SAXO3: variants seen among roughly 807,000 people sequenced by gnomAD.
SAXO3 encodes CTB-60B18.10.
the SAXO3 span, chr19:49,020,174 ACT>A: frequency 3.9e-6 from 2 of 510,642 alleles, no homozygotes; most frequent in African/African-American, 4.1e-5. Flanking sequence ...CCCACCCCAA[ACT>A]CTGACCTCTT....
the SAXO3 span, chr19:49,019,526 T>A: frequency 8.5e-7 from 1 of 1,171,652 alleles, no homozygotes; most frequent in Non-Finnish European, 1.1e-6. Context: ...CCGGCTCCTC[T>A]AACCTCGCGA....
chr19:49,019,254 A>G, the SAXO3 span: 734 of 1,307,678 alleles, frequency 5.6e-4, 2 homozygotes, highest in African/African-American at 0.01. Context: ...AAGGAACTCA[A>G]ACCCAAGCCC....
At chr19:49,019,832 T>G in the SAXO3 span, 1 of 1,255,712 alleles carries the variant, frequency 8.0e-7, no homozygotes. Context: ...ACCCAGAGAC[T>G]CACGTGAAGG....
At chr19:49,019,575 A>G in the SAXO3 span, 1 of 1,220,350 alleles carries the variant, frequency 8.2e-7, no homozygotes, top group African/African-American at 1.6e-5. Context: ...CAAAGCCGTG[A>G]TTCCTTCTGG....
the SAXO3 span, chr19:49,020,090 A>G: frequency 2.2e-6 from 3 of 1,366,092 alleles, no homozygotes; most frequent in South Asian, 1.6e-5. Context: ...AACTTGGGGT[A>G]GAGGGTCCGC....
chr19:49,018,755 A>T, the SAXO3 span: 2 of 868,090 alleles, frequency 2.3e-6, no homozygotes, highest in Non-Finnish European at 3.5e-6. Context: ...TCTTGCTGCT[A>T]CAGAAGTCGA....
the SAXO3 span, among the ~76,000 whole-genome samples, chr19:49,018,717 A>G: frequency 8.0e-5 from 12 of 150,698 alleles, no homozygotes; most frequent in Non-Finnish European, 1.3e-4. Flanking sequence ...TAAAAAAAAA[A>G]GGGAGGGGCT....
chr19:49,019,593 C>G, the SAXO3 span: 1 of 1,257,448 alleles, frequency 8.0e-7, no homozygotes, highest in South Asian at 2.5e-5. Flanking sequence ...TGGCCCCGCC[C>G]CAGGCTCCCG....
the SAXO3 span, chr19:49,019,546 A>C: frequency 8.5e-7 from 1 of 1,177,994 alleles, no homozygotes; most frequent in Non-Finnish European, 1.1e-6. Context: ...ATCCCGCCCC[A>C]GACCCTTTAG....
At chr19:49,019,227 A>G in the SAXO3 span, 1 of 1,366,660 alleles carries the variant, frequency 7.3e-7, no homozygotes, top group South Asian at 1.8e-5. Context: ...CCTAAATCCA[A>G]GCACCTTCTG....
chr19:49,018,789 A>G, the SAXO3 span: 3 of 1,192,498 alleles, frequency 2.5e-6, no homozygotes, highest in Non-Finnish European at 2.4e-6. Flanking sequence ...GGCTCAGGGA[A>G]TGGGAGCCAG....
At chr19:49,020,308 G>C in the SAXO3 span, 5 of 428,758 alleles carry the variant, frequency 1.2e-5, no homozygotes, top group African/African-American at 8.2e-5. Flanking sequence ...CTCCCAATCC[G>C]CTTTATTTAG....
the SAXO3 span, chr19:49,019,099 G>C: frequency 6.9e-7 from 1 of 1,441,578 alleles, no homozygotes; most frequent in Non-Finnish European, 9.1e-7. Context: ...CTTCGGCCTC[G>C]ACAGCCATGA....
At chr19:49,019,954 A>C in the SAXO3 span, 1 of 1,512,010 alleles carries the variant, frequency 6.6e-7, no homozygotes, top group South Asian at 1.2e-5. Context: ...TGGGGTCTGC[A>C]GGCTCTGGGG....
the SAXO3 span, chr19:49,019,852 C>T: frequency 1.5e-6 from 2 of 1,299,934 alleles, no homozygotes; most frequent in African/African-American, 1.5e-5. Context: ...GAGCAGGGGA[C>T]TCAAATGCAG....
the SAXO3 span, chr19:49,019,654 G>A: frequency 8.0e-7 from 1 of 1,256,296 alleles, no homozygotes. Flanking sequence ...CACCTGGGAA[G>A]GACCCCCGCG....
chr19:49,019,895 T>TC, the SAXO3 span: 1 of 1,428,684 alleles, frequency 7.0e-7, no homozygotes, highest in Non-Finnish European at 9.5e-7. Flanking sequence ...ACTCCGGCAC[T>TC]CCCCAAACTT....
chr19:49,020,500 G>A, the SAXO3 span: 3 of 398,740 alleles, frequency 7.5e-6, no homozygotes, highest in Non-Finnish European at 1.3e-5. Flanking sequence ...CCCGGAGCCA[G>A]GGTGCCACTG....
At chr19:49,019,598 C>T in the SAXO3 span, 1 of 1,254,498 alleles carries the variant, frequency 8.0e-7, no homozygotes, top group Non-Finnish European at 1.0e-6. Context: ...CCGCCCCAGG[C>T]TCCCGGAGCT....
Sources: allele counts gnomAD v4.1 joint callset (sites outside exome capture counted in the v4.1 genomes callset), GRCh38; gene constraint gnomAD v4.1.1; transcripts MANE v1.5; gene names NCBI Gene and HGNC (gene_info 2026-07-23, HGNC 2026-07-21).